Variants in CDK11B observed in about 807,000 individuals in gnomAD.
The protein encoded by CDK11B is cyclin-dependent kinase 11B.
Under a neutral mutation model 84.0 loss-of-function variants are expected in CDK11B, and 37 were observed. The observed-to-expected ratio is 0.44, with a 90% CI of 0.34 to 0.58. The LOEUF (loss-of-function observed/expected upper bound fraction) is 0.58. CDK11B is among the 20% of genes least tolerant of loss of function. CDK11B has a pLI of 0.02. For synonymous variants in CDK11B, 269 were observed against 309.8 expected (o/e 0.87, Z 1.38); for missense variants, 427 against 834.0 (o/e 0.51, Z 6.01).
chr1:1,637,943 G>T, intron 12 of CDK11B, 60 bp from the exon 13 acceptor site: 2 of 1,606,224 alleles, frequency 1.2e-6, no homozygotes, highest in Non-Finnish European at 8.5e-7. Flanking sequence ...ACCAACAGTG[G>T]ACTCGTTCAG....
At position 1,636,881 on chromosome 1, in the gene CDK11B, G is replaced by C. The variant is rs984588129; in HGVS notation, c.1800+16C>G. 6.2e-7 allele frequency: 1 copy of C among 1,608,604 alleles called. No individual in the cohort carries two copies. Among genetic ancestry groups the C allele is most frequent in the Non-Finnish European group, 8.5e-7 (1 of 1,176,756 alleles). On this transcript the variant is annotated intron_variant, in intron 16 of 19. Transcript: ENST00000341832. The stretch of plus-strand genomic sequence containing the variant: ...GCGTGGGGGACAGGGGAGGCACTCA[G>C]ACGCCCAGGACTCACCTTGGCACCA...
chr1:1,641,122 G>C lies in CDK11B; in HGVS notation c.1010-9C>G. The C allele has an allele frequency of 2.5e-6, 4 of 1,574,986 alleles. No individual in the cohort carries two copies. Among genetic ancestry groups the C allele is most frequent in the Non-Finnish European group, 3.5e-6 (4 of 1,153,886 alleles). On this transcript the variant is annotated splice_polypyrimidine_tract_variant and intron_variant, in intron 9 of 19. Coordinates refer to ENST00000341832, the MANE Select transcript of CDK11B (RefSeq NM_033486.3). ...TTCCTCACTTACTTCTTCTGCAAGA[G>C]AAAGGAGGCGTCTGCTCAGACCAGC... is the stretch of plus-strand genomic sequence containing the variant.
chr1:1,649,393 A>T, intron 5 of CDK11B, 106 bp downstream of exon 5: 1 of 854,126 alleles, frequency 1.2e-6, no homozygotes, highest in African/African-American at 1.7e-5. Context: ...GAGCCACCAC[A>T]CCTGGCTCAG....
intron 6 of CDK11B, among the ~76,000 whole-genome samples, chr1:1,644,673 T>C (rs1237135296): frequency 6.6e-6 from 1 of 151,106 alleles, no homozygotes; most frequent in Non-Finnish European, 1.5e-5. Context: ...AGATCTCCAT[T>C]AAGGTGAGGA....
intron 6 of CDK11B, 93 bp from the exon 7 acceptor site, chr1:1,642,601 C>CTTTTTTAATGAT: frequency 7.2e-6 from 1 of 138,440 alleles, no homozygotes; most frequent in Non-Finnish European, 1.2e-5. Context: ...CCCACACCCG[C>CTTTTTTAATGAT]ACCTGGCAGA....
chr1:1,640,749 C>T (rs1640161199), intron 10 of CDK11B, among the ~76,000 whole-genome samples: 1 of 152,244 alleles, frequency 6.6e-6, no homozygotes, highest in African/African-American at 2.4e-5. Context: ...GAGGCTGGGC[C>T]AGGCCTCTGC....
chr1:1,652,141 G>A (rs1338783380), intron 4 of CDK11B, among the ~76,000 whole-genome samples: 3 of 150,690 alleles, frequency 2.0e-5, no homozygotes, highest in Non-Finnish European at 2.9e-5. Context: ...CATTCTGAAT[G>A]GTCTGTGACA....
chr1:1,657,614 T>C, intron 1 of CDK11B, 116 bp from the exon 2 acceptor site: 3 of 811,384 alleles, frequency 3.7e-6, no homozygotes, highest in Non-Finnish European at 5.5e-6. Flanking sequence ...GAATAAGAAG[T>C]TGTGCCCGGC....
At chr1:1,650,344 A>G (rs2100930227) in intron 4 of CDK11B, among the ~76,000 whole-genome samples, 1 of 147,996 alleles carries the variant, frequency 6.8e-6, no homozygotes, top group South Asian at 2.1e-4. Flanking sequence ...TGTTAACGTT[A>G]AGTAATCCTA....
At chr1:1,647,614 C>G (rs1286983766) in intron 5 of CDK11B, among the ~76,000 whole-genome samples, 23 of 152,282 alleles carry the variant, frequency 1.5e-4, no homozygotes, top group Admixed American at 6.5e-4. Context: ...TCATTCGCAT[C>G]TGTGGCGGCT....
chr1:1,648,380 T>C (rs1156983682), intron 5 of CDK11B, among the ~76,000 whole-genome samples: 1 of 152,224 alleles, frequency 6.6e-6, no homozygotes, highest in East Asian at 1.9e-4. Flanking sequence ...AACTGAAACC[T>C]TGCTCACCCC....
chr1:1,646,720 C>G (rs1353525298), intron 5 of CDK11B: 1 of 520,038 alleles, frequency 1.9e-6, no homozygotes, highest in Non-Finnish European at 3.9e-6. Context: ...ATGAATCCCA[C>G]CAGTCTCTGC....
At chr1:1,638,700 C>G in intron 11 of CDK11B, 110 bp from the exon 12 acceptor site, 1 of 1,195,236 alleles carries the variant, frequency 8.4e-7, no homozygotes, top group Non-Finnish European at 1.2e-6. Context: ...AGGGCAGAGC[C>G]TTGGGACTGG....
intron 17 of CDK11B, 52 bp from the exon 18 acceptor site, chr1:1,636,533 C>A: frequency 3.2e-6 from 5 of 1,586,966 alleles, no homozygotes; most frequent in Non-Finnish European, 4.3e-6. Context: ...ACAGTGTTGG[C>A]ACCTGTGTCC....
At chr1:1,639,438 A>T (rs1457504285) in intron 11 of CDK11B, among the ~76,000 whole-genome samples, 1 of 151,626 alleles carries the variant, frequency 6.6e-6, no homozygotes, top group Non-Finnish European at 1.5e-5. Flanking sequence ...CCATCCCAAG[A>T]GTCTCTTTGT....
intron 1 of CDK11B, among the ~76,000 whole-genome samples, chr1:1,657,709 G>A (rs1463480727): frequency 1.2e-4 from 14 of 121,636 alleles, no homozygotes; most frequent in Non-Finnish European, 2.2e-4. Context: ...CACCAGCCCG[G>A]GCAACATGGC....
In CDK11B at chr1:1,640,259, G is replaced by A; in HGVS notation, c.1251+18C>T. The A allele has an allele frequency of 1.2e-6, 2 of 1,612,332 alleles. No homozygotes were observed. The highest frequency in any genetic ancestry group is 1.7e-6 in the Non-Finnish European group (2 of 1,179,172). Reference sequence around the variant, plus strand: ...CTGCCAATGCGGACAGTGGCCCGGGGCGAGGGGAGGGCCTGACCTGCAGGG... The same window carrying A: ...CTGCCAATGCGGACAGTGGCCCGGGACGAGGGGAGGGCCTGACCTGCAGGG... On this transcript the variant is annotated intron_variant, in intron 11 of 19. Coordinates refer to ENST00000341832, the MANE Select transcript of CDK11B (RefSeq NM_033486.3).
intron 4 of CDK11B, among the ~76,000 whole-genome samples, chr1:1,650,503 C>T (rs1189120062): frequency 6.7e-6 from 1 of 150,070 alleles, no homozygotes; most frequent in Non-Finnish European, 1.5e-5. Flanking sequence ...GTAGCTGGTA[C>T]TACAGGCGCC....
intron 2 of CDK11B, among the ~76,000 whole-genome samples, chr1:1,656,415 C>G (rs1028396980): frequency 6.6e-6 from 1 of 152,162 alleles, no homozygotes; most frequent in Non-Finnish European, 1.5e-5. Context: ...TGCTTGAACA[C>G]AGGAGGCAGA....
Sources: gnomAD v4.1 joint callset for allele counts (sites outside exome capture counted in the v4.1 genomes callset) on GRCh38, gnomAD v4.1.1 for gene constraint, MANE v1.5 for transcripts, NCBI Gene and HGNC (gene_info 2026-07-23, HGNC 2026-07-21) for gene names.